Variants in FAM91A1 observed in about 807,000 individuals in gnomAD.
FAM91A1 encodes protein FAM91A1.
A neutral mutation model predicts 113.5 loss-of-function variants in FAM91A1; 41 were observed. That is an observed-to-expected ratio of 0.36 (90% CI 0.28 to 0.47). The LOEUF (loss-of-function observed/expected upper bound fraction) is 0.47, where lower values mean the gene tolerates loss of function less well. Ranked by LOEUF, FAM91A1 falls within the 20% of genes least tolerant of loss-of-function variation. The pLI is 1.00. For synonymous variants in FAM91A1, 307 were observed against 347.9 expected, an observed-to-expected ratio of 0.88 and a Z score of 1.31; for missense variants, 696 against 1,001.2, an observed-to-expected ratio of 0.70 and a Z score of 4.11.
In FAM91A1 at chr8:123,806,879, A is replaced by G. The variant is rs552614129; in HGVS notation, c.2032+650A>G. Among the ~76,000 whole-genome samples the G allele has an allele frequency of 9.9e-5, 15 of 151,238 alleles. No individual in the cohort carries two copies. The South Asian group carries it at 2.9e-3, about 30-fold the overall frequency. On this transcript the variant is annotated intron_variant, in intron 20 of 23. Coordinates refer to ENST00000334705, the MANE Select transcript of FAM91A1 (RefSeq NM_144963.4). ...TCTGTCCTACATATTGACAATAGCT[A>G]ATTTTCCTTAGATATCACTTACTTT...
chr8:123,784,638 T>A, intron 9 of FAM91A1, 62 bp downstream of exon 9: 1 of 1,201,130 alleles, frequency 8.3e-7, no homozygotes, highest in Non-Finnish European at 1.2e-6. Context: ...GTAAAGTAAG[T>A]AAAGTTATTT....
chr8:123,800,638 T>C lies in FAM91A1; in HGVS notation c.1809+753T>C, dbSNP rs73337428. ...CATTTCATTACCTTAAAAAGAAACC[T>C]TGTATCCTTTAGTGATCACTCTTCT... On this transcript the variant is annotated intron_variant, in intron 18 of 23. Coordinates refer to ENST00000334705, the MANE Select transcript of FAM91A1 (RefSeq NM_144963.4). 2.0e-3 allele frequency among the ~76,000 whole-genome samples: 307 copies of C among 152,244 alleles called. 1 individual carries two copies. Among genetic ancestry groups the C allele is most frequent in the African/African-American group, 7.0e-3 (290 of 41,556 alleles).
chr8:123,803,505 G>A (rs566318320), intron 18 of FAM91A1, among the ~76,000 whole-genome samples: 8 of 152,168 alleles, frequency 5.3e-5, no homozygotes, highest in Admixed American at 2.0e-4. Flanking sequence ...GTTTCACCAT[G>A]TTGCCCAGGC....
At chr8:123,781,761 A>G (rs1197191265) in intron 8 of FAM91A1, among the ~76,000 whole-genome samples, 2 of 152,212 alleles carry the variant, frequency 1.3e-5, no homozygotes, top group African/African-American at 2.4e-5. Context: ...CTGGGATTAC[A>G]GGCGTGAGCC....
chr8:123,797,413 C>T (rs1331577916), intron 15 of FAM91A1, among the ~76,000 whole-genome samples: 1 of 152,154 alleles, frequency 6.6e-6, no homozygotes, highest in East Asian at 1.9e-4. Flanking sequence ...TCATGCCTGC[C>T]TCTCCTGCCT....
intron 1 of FAM91A1, among the ~76,000 whole-genome samples, chr8:123,771,963 A>T (rs1004707679): frequency 1.3e-5 from 2 of 152,190 alleles, no homozygotes; most frequent in African/African-American, 4.8e-5. Flanking sequence ...GACTCGGGGT[A>T]AAATTACTTT....
Position 123,815,200 on chromosome 8 carries a change from G to A in FAM91A1, c.*2496G>A, listed in dbSNP as rs760748218. 1 of 151,582 alleles carries A rather than the reference G, an allele frequency of 6.6e-6. No individual in the cohort carries two copies. Among genetic ancestry groups the A allele is most frequent in the Non-Finnish European group, 1.5e-5 (1 of 67,822 alleles). 9.4% of individuals were successfully genotyped at this position (151,582 alleles called of 1,614,324 possible). Reference sequence around the variant, plus strand: ...TTTTATGTTTTTTTTTCAGGGGAGCGGAATATTGGTTTCTTTTACTTGTTG... The same window carrying A: ...TTTTATGTTTTTTTTTCAGGGGAGCAGAATATTGGTTTCTTTTACTTGTTG... On this transcript the variant is annotated 3_prime_UTR_variant, in exon 24 of 24. Coordinates refer to ENST00000334705, the MANE Select transcript of FAM91A1 (RefSeq NM_144963.4).
In FAM91A1 at chr8:123,815,408, CA is replaced by C. The variant is rs2130180974; in HGVS notation, c.*2705del. On this transcript the variant is annotated 3_prime_UTR_variant, in exon 24 of 24. Transcript: ENST00000334705. ...TCAATTTGATTATTGACACATATAA[CA>C]TGTTTACAAATAAACTGTGGTATTG... The C allele has an allele frequency of 6.6e-6, 1 of 152,356 alleles. No homozygotes were observed. The highest frequency in any genetic ancestry group is 2.1e-4 in the South Asian group (1 of 4,822). 9.4% of individuals were successfully genotyped at this position (152,356 alleles called of 1,614,324 possible). A position where few individuals can be genotyped will look rare whatever the true frequency, so the allele number is the denominator to read the frequency against.
At position 123,775,190 on chromosome 8, in the gene FAM91A1, G is replaced by C. The variant is rs781210595; in HGVS notation, c.201G>C (p.Leu67=). Reference sequence around the variant, plus strand: ...ATGAACGCAGATACTATGAGGAACTGCTAAAGTACAGCCGAGATCATCTCA... The same window carrying C: ...ATGAACGCAGATACTATGAGGAACTCCTAAAGTACAGCCGAGATCATCTCA... ...KKDERRYYEE[L]LKYSRDHLML... Residue 67 remains leucine (L), a synonymous_variant, in exon 3 of 24, where the codon CTG becomes CTC. Coordinates refer to ENST00000334705, the MANE Select transcript of FAM91A1 (RefSeq NM_144963.4). The C allele has an allele frequency of 1.1e-5, 18 of 1,612,952 alleles. No homozygotes were observed. Among genetic ancestry groups the C allele is most frequent in the Middle Eastern group, 1.7e-4 (1 of 5,800 alleles).
intron 21 of FAM91A1, 120 bp from the exon 22 acceptor site, chr8:123,808,773 A>G: frequency 2.1e-6 from 2 of 958,444 alleles, no homozygotes; most frequent in Admixed American, 3.0e-5. Context: ...CCACTGGTGG[A>G]TATCAGTGGG....
At chr8:123,801,676 T>G (rs1815685290) in intron 18 of FAM91A1, among the ~76,000 whole-genome samples, 1 of 152,168 alleles carries the variant, frequency 6.6e-6, no homozygotes, top group Non-Finnish European at 1.5e-5. Context: ...CAGTCCAGCC[T>G]TGGGGCAAGG....
intron 2 of FAM91A1, among the ~76,000 whole-genome samples, chr8:123,774,423 T>C: frequency 6.6e-6 from 1 of 152,200 alleles, no homozygotes; most frequent in East Asian, 1.9e-4. Flanking sequence ...TCAAATGTCC[T>C]CTTTTTGCCT....
In FAM91A1 at chr8:123,801,358, CACTT is replaced by C. The variant is rs1480623774; in HGVS notation, c.1809+1475_1809+1478del. Among the ~76,000 whole-genome samples the C allele has an allele frequency of 1.4e-4, 21 of 152,262 alleles. No homozygotes were observed. In the East Asian group the frequency reaches 4.0e-3, roughly 29 times the overall value. ...GCAATATCTATTGTATAATAACAAA[CACTT>C]ATAATAATGGCAACTAGTGGTAAGG... On this transcript the variant is annotated intron_variant, in intron 18 of 23. Coordinates refer to ENST00000334705, the MANE Select transcript of FAM91A1 (RefSeq NM_144963.4).
At chr8:123,781,835 T>A (rs1259869330) in intron 8 of FAM91A1, among the ~76,000 whole-genome samples, 1 of 152,182 alleles carries the variant, frequency 6.6e-6, no homozygotes, top group East Asian at 1.9e-4. Flanking sequence ...CAGGAAATAC[T>A]AATTTGCGTT....
In FAM91A1 at chr8:123,805,286, T is replaced by C. The variant is rs1815775387; in HGVS notation, c.1829T>C (p.Ile610Thr). 1 of 1,612,728 alleles carries C rather than the reference T, an allele frequency of 6.2e-7. No homozygotes were observed. The highest frequency in any genetic ancestry group is 1.3e-5 in the African/African-American group (1 of 75,002). Residue 610 changes from isoleucine (I) to threonine (T), a missense_variant, in exon 19 of 24, where the codon ATA becomes ACA. Physicochemically the swap from Ile to Thr is moderately conservative, Grantham distance 89. Transcript: ENST00000334705. ...VLIQGHGLHG[I>T]GETVHVPFPF... ...GTTTAGGGGCATGGTCTGCATGGGA[T>C]AGGAGAAACTGTCCATGTCCCATTT...
Position 123,812,645 on chromosome 8 carries a change from T to C in FAM91A1, c.2458T>C (p.Ser820Pro). 6.2e-7 allele frequency: 1 copy of C among 1,611,668 alleles called. No homozygotes were observed. The highest frequency in any genetic ancestry group is 8.5e-7 in the Non-Finnish European group (1 of 1,178,950). The change falls in exon 24 of 24, where the codon TCA becomes CCA. Residue 820 changes from serine (S) to proline (P), a missense_variant. Coordinates refer to ENST00000334705, the MANE Select transcript of FAM91A1 (RefSeq NM_144963.4). ...CTTAATATTTAAAGATGGTGTCTTA[T>C]CAGAATGGAGTGGACGGTCACCTTC... ...KNLIFKDGVL[S>P]EWSGRSPSSL...
chr8:123,785,853 T>C (rs756436501), intron 11 of FAM91A1, 112 bp downstream of exon 11: 32 of 658,512 alleles, frequency 4.9e-5, no homozygotes, highest in East Asian at 6.8e-5. Context: ...AGTCTCTCTC[T>C]GTCATCCAGG....
chr8:123,769,323 G>A (rs1023019001), intron 1 of FAM91A1, among the ~76,000 whole-genome samples: 3 of 152,160 alleles, frequency 2.0e-5, no homozygotes, highest in Non-Finnish European at 4.4e-5. Flanking sequence ...TACAAAGCTT[G>A]GATGAGTGAA....
intron 18 of FAM91A1, among the ~76,000 whole-genome samples, chr8:123,801,276 G>C (rs947547976): frequency 2.6e-5 from 4 of 152,190 alleles, no homozygotes; most frequent in African/African-American, 9.7e-5. Context: ...TTATTGGGCT[G>C]TGTGACATTT....
Sources: gnomAD v4.1 joint callset for allele counts (sites outside exome capture counted in the v4.1 genomes callset) on GRCh38, gnomAD v4.1.1 for gene constraint, MANE v1.5 for transcripts, NCBI Gene and HGNC (gene_info 2026-07-23, HGNC 2026-07-21) for gene names.